PDE3B: variants seen among roughly 807,000 people sequenced by gnomAD.
PDE3B encodes the protein phosphodiesterase 3B.
PDE3B carries 66 observed loss-of-function variants against 116.8 expected under a neutral mutation model. That is an observed-to-expected ratio of 0.56 (90% CI 0.46 to 0.69). PDE3B has a LOEUF of 0.69. PDE3B is among the 30% of genes least tolerant of loss of function. PDE3B has a pLI of 0.00. For synonymous variants in PDE3B, 595 were observed against 533.6 expected (o/e 1.12, Z -1.59); for missense variants, 1,384 against 1,368.1 (o/e 1.01, Z -0.18).
At chr11:14,727,675 G>A (rs990062330) in intron 1 of PDE3B, among the ~76,000 whole-genome samples, 2 of 152,042 alleles carry the variant, frequency 1.3e-5, no homozygotes, top group Non-Finnish European at 2.9e-5. Context: ...AGGGCTAGAT[G>A]GGACATTTAA....
intron 1 of PDE3B, among the ~76,000 whole-genome samples, chr11:14,646,076 T>C (rs1003275608): frequency 6.6e-6 from 1 of 152,172 alleles, no homozygotes; most frequent in Non-Finnish European, 1.5e-5. Flanking sequence ...CAGTGCTGTG[T>C]TCTGCACGAC....
chr11:14,838,880 T>C (rs1042281359), intron 11 of PDE3B, among the ~76,000 whole-genome samples: 3 of 152,190 alleles, frequency 2.0e-5, no homozygotes, highest in South Asian at 2.1e-4. Context: ...GTCTAAAGTA[T>C]AGGCATCAGA....
chr11:14,832,320 G>A (rs566199770), intron 9 of PDE3B, among the ~76,000 whole-genome samples: 2 of 152,154 alleles, frequency 1.3e-5, no homozygotes, highest in Admixed American at 1.3e-4. Flanking sequence ...GATAAATTTT[G>A]TGAAATATAT....
intron 12 of PDE3B, among the ~76,000 whole-genome samples, chr11:14,845,304 A>C (rs1847573898): frequency 6.6e-6 from 1 of 151,990 alleles, no homozygotes; most frequent in Non-Finnish European, 1.5e-5. Flanking sequence ...AAAACTAACA[A>C]ACAGAAAGGA....
At chr11:14,750,114 C>T (rs1241856676) in intron 1 of PDE3B, among the ~76,000 whole-genome samples, 2 of 151,208 alleles carry the variant, frequency 1.3e-5, no homozygotes, top group African/African-American at 4.9e-5. Context: ...TCCTATTCAG[C>T]CTTTTGGTTC....
At chr11:14,822,361 T>C (rs1859546156) in intron 7 of PDE3B, among the ~76,000 whole-genome samples, 1 of 152,002 alleles carries the variant, frequency 6.6e-6, no homozygotes, top group Non-Finnish European at 1.5e-5. Context: ...TGGAGAGAAA[T>C]AGAAGGGGTG....
chr11:14,707,234 G>A (rs1183552424), intron 1 of PDE3B, among the ~76,000 whole-genome samples: 4 of 151,984 alleles, frequency 2.6e-5, no homozygotes, highest in Non-Finnish European at 4.4e-5. Context: ...GAAGAGTCCT[G>A]AAAATCTGGG....
At chr11:14,791,963 T>G (rs1197557802) in intron 4 of PDE3B, among the ~76,000 whole-genome samples, 2 of 152,182 alleles carry the variant, frequency 1.3e-5, no homozygotes, top group Non-Finnish European at 2.9e-5. Context: ...TTACTTGTAT[T>G]TTTTTATTAC....
the PDE3B span, chr11:14,877,712 G>A: frequency 9.5e-5 from 16 of 167,848 alleles, no homozygotes; most frequent in East Asian, 2.8e-3. Context: ...AACTGGACTG[G>A]TACCACACAG....
chr11:14,806,546 C>G (rs1358965988), intron 5 of PDE3B, among the ~76,000 whole-genome samples: 1 of 151,516 alleles, frequency 6.6e-6, no homozygotes, highest in Non-Finnish European at 1.5e-5. Context: ...CCCAAATGTC[C>G]ATCAATAATA....
At chr11:14,732,296 T>C (rs1235608282) in intron 1 of PDE3B, among the ~76,000 whole-genome samples, 1 of 152,178 alleles carries the variant, frequency 6.6e-6, no homozygotes, top group Non-Finnish European at 1.5e-5. Flanking sequence ...TTCTTGGGTC[T>C]AGATTTCATA....
At chr11:14,887,060 T>C in the PDE3B span, 1 of 152,242 alleles carries the variant, frequency 6.6e-6, no homozygotes, top group Non-Finnish European at 1.5e-5. Flanking sequence ...AGAAGAGTTC[T>C]AAGTAAAAGG....
chr11:14,834,072 C>T (rs1024571174), intron 10 of PDE3B, among the ~76,000 whole-genome samples: 18 of 152,068 alleles, frequency 1.2e-4, no homozygotes, highest in African/African-American at 3.4e-4. Flanking sequence ...ATGTAAAGCA[C>T]GTATCAGAAT....
intron 2 of PDE3B, among the ~76,000 whole-genome samples, chr11:14,782,198 A>T (rs187141769): frequency 7.9e-5 from 12 of 152,354 alleles, no homozygotes; most frequent in African/African-American, 9.6e-5. Flanking sequence ...AGTCATTTAT[A>T]GATTCAATGC....
At chr11:14,761,101 A>G (rs1401725282) in intron 1 of PDE3B, among the ~76,000 whole-genome samples, 2 of 152,180 alleles carry the variant, frequency 1.3e-5, no homozygotes, top group Non-Finnish European at 1.5e-5. Context: ...AAAACACTAG[A>G]CTTGTGTATT....
At chr11:14,716,009 C>T (rs1301830344) in intron 1 of PDE3B, among the ~76,000 whole-genome samples, 2 of 152,246 alleles carry the variant, frequency 1.3e-5, no homozygotes, top group African/African-American at 2.4e-5. Context: ...TCTGAGGTAC[C>T]GGGTTCATCT....
intron 1 of PDE3B, among the ~76,000 whole-genome samples, chr11:14,695,545 A>G (rs542965897): frequency 6.6e-6 from 1 of 152,194 alleles, no homozygotes; most frequent in East Asian, 1.9e-4. Flanking sequence ...GTTCTGGGGT[A>G]CATGTTCAGG....
At chr11:14,850,662 T>C (rs1029150790) in intron 12 of PDE3B, among the ~76,000 whole-genome samples, 3 of 152,168 alleles carry the variant, frequency 2.0e-5, no homozygotes, top group Non-Finnish European at 4.4e-5. Flanking sequence ...TTAGTGTATG[T>C]AAAAATTCTT....
intron 1 of PDE3B, among the ~76,000 whole-genome samples, chr11:14,690,923 T>G (rs1306619623): frequency 6.6e-6 from 1 of 152,270 alleles, no homozygotes; most frequent in East Asian, 1.9e-4. Context: ...CAGGGAAGTT[T>G]TTTTGTATGT....
Sources: allele counts gnomAD v4.1 joint callset (sites outside exome capture counted in the v4.1 genomes callset), GRCh38; gene constraint gnomAD v4.1.1; transcripts MANE v1.5; gene names NCBI Gene and HGNC (gene_info 2026-07-23, HGNC 2026-07-21).